Variants in AOAH observed in about 807,000 individuals in gnomAD.
AOAH encodes acyloxyacyl hydrolase (neutrophil).
Under a neutral mutation model 92.2 loss-of-function variants are expected in AOAH, and 64 were observed. The ratio of observed to expected loss-of-function variants is 0.69; its 90% CI spans 0.57 to 0.86. The LOEUF (loss-of-function observed/expected upper bound fraction) is 0.86. Among genes scored for constraint, AOAH ranks in the 40% least tolerant of loss-of-function variants. The pLI is 0.00. For synonymous variants in AOAH, 263 were observed against 254.5 expected (o/e 1.03, Z -0.32); for missense variants, 656 against 694.6 (o/e 0.94, Z 0.62).
At chr7:36,606,586 C>A (rs779743880) in intron 11 of AOAH, among the ~76,000 whole-genome samples, 9 of 152,178 alleles carry the variant, frequency 5.9e-5, no homozygotes, top group Non-Finnish European at 1.0e-4. Flanking sequence ...CCCAACCTGT[C>A]ATGCAATTCT....
At chr7:36,537,190 A>G (rs1785122416) in intron 16 of AOAH, among the ~76,000 whole-genome samples, 1 of 151,982 alleles carries the variant, frequency 6.6e-6, no homozygotes, top group South Asian at 2.1e-4. Flanking sequence ...AGTTACTTAT[A>G]AGCATCAAAC....
chr7:36,529,870 A>G (rs1784592262), intron 19 of AOAH, among the ~76,000 whole-genome samples: 1 of 152,240 alleles, frequency 6.6e-6, no homozygotes, highest in Non-Finnish European at 1.5e-5. Context: ...AGAATGCTAA[A>G]AAAGCAACTT....
intron 13 of AOAH, among the ~76,000 whole-genome samples, chr7:36,552,704 T>C (rs1348363406): frequency 6.6e-6 from 1 of 152,168 alleles, no homozygotes; most frequent in African/African-American, 2.4e-5. Flanking sequence ...TGACTGTCAT[T>C]TTCAACCCTT....
intron 1 of AOAH, among the ~76,000 whole-genome samples, chr7:36,723,584 A>T (rs973585239): frequency 3.3e-5 from 5 of 152,184 alleles, no homozygotes. Context: ...AAGGACACAG[A>T]AGCATGGAGA....
At chr7:36,644,933 G>T (rs1351443233) in intron 4 of AOAH, among the ~76,000 whole-genome samples, 2 of 150,084 alleles carry the variant, frequency 1.3e-5, no homozygotes, top group Admixed American at 6.7e-5. Context: ...GGGGGTGGGG[G>T]AGACTGCTCA....
rs1433203644 is a variant in AOAH, at chr7:36,513,438, A to C, written c.1600-58T>G. 5 of 1,562,778 alleles carry C rather than the reference A, an allele frequency of 3.2e-6. No homozygotes were observed. In the Admixed American group the frequency reaches 8.8e-5, roughly 27 times the overall value. ...GGAAATTAGGACAAATCACTTACCA[A>C]CAAGATTTCCCACGTGCTTTCTGCC... On this transcript the variant is annotated intron_variant, in intron 20 of 20. Coordinates refer to ENST00000617537, the MANE Select transcript of AOAH (RefSeq NM_001637.4).
intron 5 of AOAH, among the ~76,000 whole-genome samples, chr7:36,636,256 A>T (rs746593257): frequency 3.3e-5 from 5 of 152,148 alleles, no homozygotes; most frequent in Non-Finnish European, 7.4e-5. Flanking sequence ...TCAGAAGAGT[A>T]TTTTTATTGT....
chr7:36,671,237 T>C (rs1188952629), intron 3 of AOAH, among the ~76,000 whole-genome samples: 3 of 152,206 alleles, frequency 2.0e-5, no homozygotes, highest in Non-Finnish European at 2.9e-5. Flanking sequence ...AAAAATTTAT[T>C]AATTCAACAA....
intron 6 of AOAH, among the ~76,000 whole-genome samples, chr7:36,624,796 C>A (rs1272189560): frequency 6.6e-6 from 1 of 152,160 alleles, no homozygotes; most frequent in Non-Finnish European, 1.5e-5. Flanking sequence ...TCTTGTTTTG[C>A]CCCCAGCAAC....
At chr7:36,611,421 C>T (rs1044469912) in intron 11 of AOAH, among the ~76,000 whole-genome samples, 1 of 152,144 alleles carries the variant, frequency 6.6e-6, no homozygotes, top group Non-Finnish European at 1.5e-5. Flanking sequence ...AAACCAATAC[C>T]AACAAATGCT....
At chr7:36,704,387 C>A (rs1798255166) in intron 1 of AOAH, among the ~76,000 whole-genome samples, 1 of 152,096 alleles carries the variant, frequency 6.6e-6, no homozygotes, top group Non-Finnish European at 1.5e-5. Flanking sequence ...ACTAGAAAAT[C>A]TAGAAGAAAT....
chr7:36,523,735 C>T (rs2115861929), intron 19 of AOAH, among the ~76,000 whole-genome samples: 1 of 147,838 alleles, frequency 6.8e-6, no homozygotes, highest in African/African-American at 2.5e-5. Context: ...TCTGAAGCTC[C>T]TGTGGGTTCC....
chr7:36,616,525 C>A (rs776630431), intron 10 of AOAH, 51 bp from the exon 11 acceptor site: 2 of 1,484,674 alleles, frequency 1.3e-6, no homozygotes, highest in Non-Finnish European at 1.9e-6. Flanking sequence ...TAGTTTGGAA[C>A]CTCCAGACTG....
At chr7:36,539,521 C>T (rs900388677) in intron 16 of AOAH, among the ~76,000 whole-genome samples, 1 of 152,204 alleles carries the variant, frequency 6.6e-6, no homozygotes, top group African/African-American at 2.4e-5. Flanking sequence ...TGGGCAGGAA[C>T]TTAGGACTAT....
At chr7:36,527,610 C>G (rs562652203) in intron 19 of AOAH, among the ~76,000 whole-genome samples, 11 of 152,282 alleles carry the variant, frequency 7.2e-5, no homozygotes, top group African/African-American at 2.2e-4. Flanking sequence ...CGGCCACTAA[C>G]AGTTACTGAG....
intron 1 of AOAH, among the ~76,000 whole-genome samples, chr7:36,695,809 G>T (rs1389975786): frequency 1.3e-5 from 2 of 152,134 alleles, no homozygotes; most frequent in African/African-American, 4.8e-5. Context: ...GGTTAAATTG[G>T]ATAAAGTACA....
At chr7:36,558,258 C>T (rs1195301879) in intron 13 of AOAH, among the ~76,000 whole-genome samples, 2 of 152,118 alleles carry the variant, frequency 1.3e-5, no homozygotes, top group African/African-American at 4.8e-5. Flanking sequence ...CACTCCAGAC[C>T]CTGTTTGCCT....
chr7:36,522,250 C>G (rs1043978814), intron 19 of AOAH, 135 bp from the exon 20 acceptor site: 7 of 666,048 alleles, frequency 1.1e-5, no homozygotes, highest in Non-Finnish European at 1.8e-5. Context: ...CTGAGCTGCT[C>G]TCTTGCACTG....
intron 1 of AOAH, among the ~76,000 whole-genome samples, chr7:36,710,464 G>A (rs929969839): frequency 3.3e-5 from 5 of 152,210 alleles, no homozygotes; most frequent in Admixed American, 1.3e-4. Flanking sequence ...AACAACCAGT[G>A]AACTTGCAAG....
Sources: gnomAD v4.1 joint callset for allele counts (sites outside exome capture counted in the v4.1 genomes callset) on GRCh38, gnomAD v4.1.1 for gene constraint, MANE v1.5 for transcripts, NCBI Gene and HGNC (gene_info 2026-07-23, HGNC 2026-07-21) for gene names.